Variants in AEBP2 observed in about 807,000 individuals in gnomAD.
The protein encoded by AEBP2 is zinc finger protein AEBP2.
In AEBP2, 10 loss-of-function variants were observed where a neutral mutation model predicts 50.8. That is an observed-to-expected ratio of 0.20 (90% CI 0.12 to 0.33). The LOEUF (loss-of-function observed/expected upper bound fraction) is 0.33. Among genes scored for constraint, AEBP2 ranks in the 10% least tolerant of loss-of-function variants. The pLI, the probability that AEBP2 is intolerant of heterozygous loss-of-function variation, is 1.00. For missense variants in AEBP2, 570 were observed against 688.0 expected, an observed-to-expected ratio of 0.83 and a Z score of 1.92; for synonymous variants, 296 against 261.3, an observed-to-expected ratio of 1.13 and a Z score of -1.28.
At chr12:19,474,224 T>C (rs889326849) in intron 3 of AEBP2, among the ~76,000 whole-genome samples, 18 of 152,174 alleles carry the variant, frequency 1.2e-4, no homozygotes, top group African/African-American at 4.3e-4. Context: ...TATGAAAAAT[T>C]AAGTATTTTG....
At chr12:19,421,367 GAAAC>G (rs2095745730) in intron 1 of AEBP2, among the ~76,000 whole-genome samples, 21 of 112,042 alleles carry the variant, frequency 1.9e-4, no homozygotes, top group Admixed American at 1.5e-3. Flanking sequence ...AAAAAAAAAA[GAAAC>G]AAACAAAAAA....
At chr12:19,509,122 T>G (rs1949195948) in intron 5 of AEBP2, 1 of 527,790 alleles carries the variant, frequency 1.9e-6, no homozygotes, top group Admixed American at 2.3e-5. Flanking sequence ...GCAAAGAACA[T>G]GTCAGCAGGG....
intron 2 of AEBP2, among the ~76,000 whole-genome samples, chr12:19,471,024 A>G: frequency 6.8e-6 from 1 of 148,008 alleles, no homozygotes. Context: ...CACCAAACTA[A>G]TAATATGATT....
chr12:19,449,457 G>C (rs1339874988), intron 1 of AEBP2, among the ~76,000 whole-genome samples: 1 of 152,170 alleles, frequency 6.6e-6, no homozygotes, highest in African/African-American at 2.4e-5. Flanking sequence ...TGATAGATTT[G>C]ATATGAGAAA....
intron 5 of AEBP2, among the ~76,000 whole-genome samples, chr12:19,505,773 G>GTTTT (rs1949147044): frequency 6.6e-6 from 1 of 152,042 alleles, no homozygotes. Flanking sequence ...TTGTTTGTTT[G>GTTTT]TTTGTTTGTT....
chr12:19,449,667 TAAA>T (rs1310306133), intron 1 of AEBP2, among the ~76,000 whole-genome samples: 1 of 152,204 alleles, frequency 6.6e-6, no homozygotes, highest in East Asian at 1.9e-4. Flanking sequence ...TTCTTGATGA[TAAA>T]AATTCATTTT....
intron 1 of AEBP2, among the ~76,000 whole-genome samples, chr12:19,458,170 A>G (rs1948306060): frequency 6.6e-6 from 1 of 152,220 alleles, no homozygotes; most frequent in Non-Finnish European, 1.5e-5. Flanking sequence ...GGGTCCTGTC[A>G]CAATCAGAAG....
intron 1 of AEBP2, chr12:19,457,417 A>T: frequency 2.0e-6 from 3 of 1,494,506 alleles, no homozygotes; most frequent in South Asian, 1.2e-5. Flanking sequence ...TCAAATTTCC[A>T]CAAGGAGGTA....
intron 1 of AEBP2, among the ~76,000 whole-genome samples, chr12:19,409,350 TAA>T (rs11291593): frequency 0.011 from 1,628 of 146,908 alleles, 9 homozygotes; most frequent in Admixed American, 0.014. Context: ...GCATTTGTGC[TAA>T]AAAAAAAAAA....
At chr12:19,508,970 TC>T in intron 5 of AEBP2, 1 of 507,490 alleles carries the variant, frequency 2.0e-6, no homozygotes, top group South Asian at 1.8e-5. Context: ...AACAAGTCTG[TC>T]CCAGACCCTT....
At position 19,420,202 on chromosome 12, in the gene AEBP2, T is replaced by C. The variant is rs1021567365; in HGVS notation, c.-17+15986T>C. ...CCTTGATTGGCTAATTTTTTTTTTGTATTTTTAGTAGAGACGGGGTTTCAC... is the reference window on the plus strand; with the variant it reads ...CCTTGATTGGCTAATTTTTTTTTTGCATTTTTAGTAGAGACGGGGTTTCAC... On this transcript the variant is annotated intron_variant, in intron 1 of 3. Transcript: ENST00000538425. 7.3e-5 allele frequency among the ~76,000 whole-genome samples: 11 copies of C among 151,002 alleles called. No individual in the cohort carries two copies. The South Asian group carries it at 1.5e-3, about 20-fold the overall frequency.
intron 1 of AEBP2, among the ~76,000 whole-genome samples, chr12:19,462,088 A>G (rs1592736520): frequency 6.6e-6 from 1 of 152,344 alleles, no homozygotes; most frequent in East Asian, 1.9e-4. Context: ...ATTTCAGGTC[A>G]ACAAGTGATT....
chr12:19,420,436 AG>A (rs1302553407), intron 1 of AEBP2, among the ~76,000 whole-genome samples: 1 of 143,570 alleles, frequency 7.0e-6, no homozygotes, highest in Non-Finnish European at 1.5e-5. Context: ...CGGGTTCAAG[AG>A]ATTCTCCTAT....
At chr12:19,445,291 C>T (rs561561897) in intron 1 of AEBP2, among the ~76,000 whole-genome samples, 11 of 152,052 alleles carry the variant, frequency 7.2e-5, no homozygotes, top group Middle Eastern at 3.5e-3. Flanking sequence ...CTCTGCCTCC[C>T]GGGTTCAAGC....
intron 1 of AEBP2, among the ~76,000 whole-genome samples, chr12:19,460,564 G>T (rs557118642): frequency 2.0e-5 from 3 of 152,024 alleles, no homozygotes; most frequent in Admixed American, 6.5e-5. Flanking sequence ...ATCTTGATCA[G>T]GCTGGTCTTG....
chr12:19,513,250 A>G (rs1185764258), intron 6 of AEBP2, among the ~76,000 whole-genome samples: 11 of 152,056 alleles, frequency 7.2e-5, no homozygotes. Flanking sequence ...CAATTGACTA[A>G]TTTTCTAGCA....
intron 7 of AEBP2, among the ~76,000 whole-genome samples, chr12:19,515,413 CTTTACAGG>C (rs1949303622): frequency 6.6e-6 from 1 of 152,104 alleles, no homozygotes; most frequent in African/African-American, 2.4e-5. Context: ...ACTATCTCTG[CTTTACAGG>C]TTGGAAAACT....
In AEBP2 at chr12:19,483,962, G is replaced by A. The variant is rs370631270; in HGVS notation, c.988-9838G>A. Among the ~76,000 whole-genome samples, 5 of 152,310 alleles carry A rather than the reference G, an allele frequency of 3.3e-5. No homozygotes were observed. The East Asian group carries it at 5.8e-4, about 18-fold the overall frequency. On this transcript the variant is annotated intron_variant, in intron 3 of 7. Coordinates refer to ENST00000266508, the MANE Select transcript of AEBP2 (RefSeq NM_153207.5). ...TTCCCTAGAGCTAGTGCCGTCATCA[G>A]TAATGTTAGAGTGTCTGCCTAATGT...
intron 1 of AEBP2, among the ~76,000 whole-genome samples, chr12:19,462,276 C>A (rs191381878): frequency 6.6e-6 from 1 of 152,164 alleles, no homozygotes; most frequent in African/African-American, 2.4e-5. Flanking sequence ...CCAAAAGTTG[C>A]TTAAATTATT....
Sources: gnomAD v4.1 joint callset for allele counts (sites outside exome capture counted in the v4.1 genomes callset) on GRCh38, gnomAD v4.1.1 for gene constraint, MANE v1.5 for transcripts, NCBI Gene and HGNC (gene_info 2026-07-23, HGNC 2026-07-21) for gene names.